DKK3: variants seen among roughly 807,000 people sequenced by gnomAD.
DKK3 encodes dickkopf Wnt signaling pathway inhibitor 3.
A neutral mutation model predicts 33.2 loss-of-function variants in DKK3; 22 were observed. The observed-to-expected ratio is 0.66, with a 90% CI of 0.47 to 0.95. DKK3 has a LOEUF of 0.95. Ranked by LOEUF, DKK3 falls within the 40% of genes least tolerant of loss-of-function variation. The pLI, the probability that DKK3 is intolerant of heterozygous loss-of-function variation, is 0.00. For missense variants in DKK3, 398 were observed against 458.4 expected (o/e 0.87, Z 1.20); for synonymous variants, 194 against 188.8 (o/e 1.03, Z -0.23).
chr11:11,968,478 T>A lies in DKK3; in HGVS notation c.445A>T (p.Ile149Phe). ...ATGCTGGGCCCACAGTCCTCGTCGA[T>A]GATGCACTCCTGGGGAAGGGCACAG... is the stretch of plus-strand genomic sequence containing the variant. Reference protein sequence around the residue: ...EEGRRSHECIIDEDCGPSMYC... With the variant: ...EEGRRSHECIFDEDCGPSMYC... The change falls in exon 4 of 7, where the codon ATC (isoleucine) becomes TTC (phenylalanine). Residue 149 changes from isoleucine (I) to phenylalanine (F), a missense_variant. Ile to Phe is a conservative substitution (Grantham distance 21). Coordinates refer to ENST00000683431, the MANE Select transcript of DKK3 (RefSeq NM_001018057.2). 2 of 1,613,178 alleles carry A rather than the reference T, an allele frequency of 1.2e-6. No homozygotes were observed. Among genetic ancestry groups the A allele is most frequent in the Non-Finnish European group, 1.7e-6 (2 of 1,179,542 alleles).
At chr11:12,005,801 T>C (rs556503279) in intron 1 of DKK3, among the ~76,000 whole-genome samples, 22 of 152,340 alleles carry the variant, frequency 1.4e-4, no homozygotes, top group African/African-American at 5.3e-4. Flanking sequence ...TTAAGGGGCA[T>C]TCTGGCAGTC....
intron 3 of DKK3, among the ~76,000 whole-genome samples, chr11:11,986,581 C>G (rs1425821400): frequency 6.6e-6 from 1 of 152,126 alleles, no homozygotes; most frequent in Non-Finnish European, 1.5e-5. Context: ...CTCAATGACT[C>G]TTGATGTTAA....
At chr11:11,980,489 G>A (rs2135035905) in intron 3 of DKK3, among the ~76,000 whole-genome samples, 1 of 152,204 alleles carries the variant, frequency 6.6e-6, no homozygotes, top group African/African-American at 2.4e-5. Flanking sequence ...GCTCTTATTG[G>A]TCAGCTCCCA....
chr11:11,996,787 C>A (rs1396109417), intron 3 of DKK3, among the ~76,000 whole-genome samples: 1 of 152,200 alleles, frequency 6.6e-6, no homozygotes, highest in Non-Finnish European at 1.5e-5. Context: ...TATGGGGGTT[C>A]GGATTCTGCC....
At chr11:11,971,832 A>G (rs2135006325) in intron 3 of DKK3, among the ~76,000 whole-genome samples, 1 of 152,236 alleles carries the variant, frequency 6.6e-6, no homozygotes, top group South Asian at 2.1e-4. Context: ...CTAGGTACGG[A>G]AAAAAAATTT....
intron 3 of DKK3, among the ~76,000 whole-genome samples, chr11:11,975,656 C>T (rs1847817767): frequency 6.6e-6 from 1 of 152,140 alleles, no homozygotes. Flanking sequence ...GGTGAAGTGG[C>T]CAAGGTCCTG....
intron 3 of DKK3, among the ~76,000 whole-genome samples, chr11:11,989,503 A>G (rs1402593021): frequency 6.6e-6 from 1 of 152,222 alleles, no homozygotes. Flanking sequence ...ATACAAATAC[A>G]GTATGATTCC....
intron 3 of DKK3, among the ~76,000 whole-genome samples, chr11:11,984,550 GA>G (rs1420906710): frequency 6.6e-6 from 1 of 150,752 alleles, no homozygotes; most frequent in Non-Finnish European, 1.5e-5. Context: ...TCCAGATTAA[GA>G]AAATAATTCT....
At chr11:11,969,522 C>A (rs1847679129) in intron 3 of DKK3, among the ~76,000 whole-genome samples, 2 of 152,244 alleles carry the variant, frequency 1.3e-5, no homozygotes, top group South Asian at 4.2e-4. Flanking sequence ...TTTCCACCAC[C>A]AGCCCTTGAG....
chr11:12,008,651 C>A (rs376083603), upstream of DKK3: 6 of 1,270,460 alleles, frequency 4.7e-6, no homozygotes, highest in South Asian at 2.9e-5. The surrounding 1 kb of genome is among the most constrained non-coding windows in gnomAD (Gnocchi z 4.6). Flanking sequence ...GGACCACCCC[C>A]CTCGCTGGGC....
At chr11:11,968,974 G>C (rs752039060) in intron 3 of DKK3, among the ~76,000 whole-genome samples, 9 of 152,214 alleles carry the variant, frequency 5.9e-5, no homozygotes, top group Non-Finnish European at 1.3e-4. Flanking sequence ...TGCCCACAGA[G>C]AGCGCCCTCA....
intron 1 of DKK3, among the ~76,000 whole-genome samples, chr11:12,007,414 C>A (rs1240228489): frequency 6.6e-6 from 1 of 152,164 alleles, no homozygotes; most frequent in Non-Finnish European, 1.5e-5. Context: ...TCTACCCACC[C>A]CAGGCACCAG....
Position 12,008,589 on chromosome 11 carries a change from T to C in DKK3, c.-7A>G, listed in dbSNP as rs1301278096. 3 of 1,402,132 alleles carry C rather than the reference T, an allele frequency of 2.1e-6. No homozygotes were observed. Among genetic ancestry groups the C allele is most frequent in the African/African-American group, 1.5e-5 (1 of 66,132 alleles). 86.9% of individuals were successfully genotyped at this position (1,402,132 alleles called of 1,614,324 possible). ...TGGCCCCAAGCCGCTGCATCTCCGC[T>C]CTGCGCCCGCAGCCGCCGCCTGTGT... On this transcript the variant is annotated 5_prime_UTR_variant, in exon 1 of 7. Coordinates refer to ENST00000683431, the MANE Select transcript of DKK3 (RefSeq NM_001018057.2). The surrounding 1 kb of genome is among the most constrained non-coding windows in gnomAD (Gnocchi z 4.6).
At chr11:11,976,864 G>T (rs902248801) in intron 3 of DKK3, among the ~76,000 whole-genome samples, 1 of 152,180 alleles carries the variant, frequency 6.6e-6, no homozygotes, top group African/African-American at 2.4e-5. Flanking sequence ...CCAGTCGCAG[G>T]AGCCTGTAAG....
intron 1 of DKK3, among the ~76,000 whole-genome samples, chr11:12,005,077 C>T (rs1439667543): frequency 8.5e-5 from 13 of 152,094 alleles, no homozygotes; most frequent in Admixed American, 8.5e-4. Flanking sequence ...GAGGACCCAC[C>T]CAGAAGAAGA....
Position 11,965,815 on chromosome 11 carries a change from G to A in DKK3, c.824C>T (p.Pro275Leu). Residue 275 changes from proline (P) to leucine (L), a missense_variant, in exon 6 of 7, where the codon CCC becomes CTC. Coordinates refer to ENST00000683431, the MANE Select transcript of DKK3 (RefSeq NM_001018057.2). ...CPCASGLLCQ[P>L]HSHSLVYVCK... ...GAGGGTTAGGGGGCCTCACCTGTGG[G>A]GCTGGCAGAGGAGGCCACTGGCACA... 3.7e-6 allele frequency: 6 copies of A among 1,613,968 alleles called. No homozygotes were observed. The highest frequency in any genetic ancestry group is 3.4e-6 in the Non-Finnish European group (4 of 1,180,020).
intron 2 of DKK3, 33 bp from the exon 3 acceptor site, chr11:11,998,812 A>G: frequency 8.3e-6 from 13 of 1,573,278 alleles, no homozygotes; most frequent in Non-Finnish European, 1.1e-5. Context: ...AAAGTAAAAT[A>G]GAAGGAATTC....
At chr11:11,986,459 A>AT (rs1265694123) in intron 3 of DKK3, among the ~76,000 whole-genome samples, 4 of 152,156 alleles carry the variant, frequency 2.6e-5, no homozygotes, top group Non-Finnish European at 1.5e-5. Flanking sequence ...TCTTCCACTG[A>AT]TATCTTCTCC....
intron 3 of DKK3, among the ~76,000 whole-genome samples, chr11:11,997,068 G>A (rs1848311360): frequency 6.6e-6 from 1 of 152,212 alleles, no homozygotes; most frequent in Non-Finnish European, 1.5e-5. Flanking sequence ...GGCACCAACT[G>A]GACACAGCTG....
Sources: gnomAD v4.1 joint callset for allele counts (sites outside exome capture counted in the v4.1 genomes callset) on GRCh38, gnomAD v4.1.1 for gene constraint, Gnocchi (gnomAD v3.1) non-coding constraint, MANE v1.5 for transcripts, NCBI Gene and HGNC (gene_info 2026-07-23, HGNC 2026-07-21) for gene names.